Variants in SRGAP1 observed in about 807,000 individuals in gnomAD.
SRGAP1 encodes SLIT-ROBO Rho GTPase activating protein 1, also known as SLIT-ROBO Rho GTPase-activating protein 1.
SRGAP1 carries 43 observed loss-of-function variants against 121.9 expected under a neutral mutation model. The ratio of observed to expected loss-of-function variants is 0.35; its 90% CI spans 0.28 to 0.46. The LOEUF is 0.46. Ranked by LOEUF, SRGAP1 falls within the 20% of genes least tolerant of loss-of-function variation. The pLI is 1.00. For synonymous variants in SRGAP1, 447 were observed against 485.4 expected (o/e 0.92, Z 1.04); for missense variants, 1,102 against 1,350.9 (o/e 0.82, Z 2.89).
intron 3 of SRGAP1, among the ~76,000 whole-genome samples, chr12:64,013,366 A>C (rs1456589268): frequency 2.0e-5 from 3 of 152,314 alleles, no homozygotes; most frequent in Middle Eastern, 3.4e-3. Context: ...GAATACAAGG[A>C]TGTGTGAATT....
At chr12:63,964,917 AT>A (rs2032745400) in intron 1 of SRGAP1, among the ~76,000 whole-genome samples, 1 of 152,158 alleles carries the variant, frequency 6.6e-6, no homozygotes, top group South Asian at 2.1e-4. Context: ...ATCTCGCCTA[AT>A]TGTTTTCAGA....
rs2037146349 is a variant in SRGAP1 at position 64,154,176 on chromosome 12, AG to A, written c.*11507del. ...ATGGAAATTGTTGTTCAGTGTTTAC[AG>A]GGTTTCAGTTTTGCAAGATAAAAAG... On this transcript the variant is annotated 3_prime_UTR_variant, in exon 22 of 22. Transcript: ENST00000355086. 6.6e-6 allele frequency: 1 copy of A among 152,244 alleles called. No individual in the cohort carries two copies. The highest frequency in any genetic ancestry group is 1.5e-5 in the Non-Finnish European group (1 of 68,042). 9.4% of individuals were successfully genotyped at this position (152,244 alleles called of 1,614,324 possible).
intron 21 of SRGAP1, among the ~76,000 whole-genome samples, chr12:64,134,475 T>G (rs1375126915): frequency 4.6e-5 from 7 of 151,380 alleles, no homozygotes; most frequent in Admixed American, 3.9e-4. Flanking sequence ...TTGCAAGGCA[T>G]TGGTCAAGGA....
At chr12:64,000,239 GGTGTGTGTGTGTGTGTGTGT>G (rs58289093) in intron 3 of SRGAP1, among the ~76,000 whole-genome samples, 2 of 131,526 alleles carry the variant, frequency 1.5e-5, no homozygotes, top group East Asian at 4.3e-4. Context: ...GAAAGGTAGG[GGTGTGTGTGTGTGTGTGTGT>G]GTGTGTGTGT....
intron 1 of SRGAP1, among the ~76,000 whole-genome samples, chr12:63,950,160 T>C (rs915924866): frequency 3.3e-5 from 5 of 152,200 alleles, no homozygotes; most frequent in Non-Finnish European, 7.3e-5. Flanking sequence ...GAAAGACATA[T>C]CTTCTCAAAG....
chr12:64,141,741 C>T (rs145395081), intron 21 of SRGAP1, among the ~76,000 whole-genome samples: 4,575 of 152,130 alleles, frequency 0.03, 71 homozygotes, highest in South Asian at 0.099. Context: ...TACTTGAGCC[C>T]AGGAGTTCAA....
chr12:64,035,067 G>GA (rs1437356707), intron 4 of SRGAP1, among the ~76,000 whole-genome samples: 4 of 150,636 alleles, frequency 2.7e-5, no homozygotes, highest in African/African-American at 4.9e-5. Context: ...AAAAAGAAAA[G>GA]AAAAAAAACT....
At chr12:64,035,740 C>G (rs1454423999) in intron 4 of SRGAP1, among the ~76,000 whole-genome samples, 1 of 152,142 alleles carries the variant, frequency 6.6e-6, no homozygotes, top group African/African-American at 2.4e-5. Context: ...TAGCCCAGTT[C>G]TCAACATGAA....
intron 9 of SRGAP1, 115 bp downstream of exon 9, chr12:64,079,231 G>T: frequency 4.5e-6 from 5 of 1,101,252 alleles, no homozygotes; most frequent in Non-Finnish European, 6.5e-6. Context: ...ATAGACTCCT[G>T]TCTACCATCA....
At chr12:64,012,470 A>G (rs1479651556) in intron 3 of SRGAP1, among the ~76,000 whole-genome samples, 1 of 148,642 alleles carries the variant, frequency 6.7e-6, no homozygotes, top group African/African-American at 2.5e-5. Flanking sequence ...CTTAATACTT[A>G]TATTATTTTT....
chr12:64,019,202 G>T (rs941798815), intron 4 of SRGAP1, among the ~76,000 whole-genome samples: 1 of 152,126 alleles, frequency 6.6e-6, no homozygotes, highest in African/African-American at 2.4e-5. Flanking sequence ...CTCAGTGAGA[G>T]ATATATATAA....
intron 18 of SRGAP1, among the ~76,000 whole-genome samples, chr12:64,121,613 GTTTC>G (rs1268984653): frequency 6.6e-6 from 1 of 151,974 alleles, no homozygotes; most frequent in African/African-American, 2.4e-5. Context: ...TTTCTTTTGG[GTTTC>G]TTTGTTTCTC....
In SRGAP1 at chr12:64,160,901, T is replaced by A. The variant is rs2037204633; in HGVS notation, c.*18229T>A. 1 of 152,240 alleles carries A rather than the reference T, an allele frequency of 6.6e-6. No homozygotes were observed. Among genetic ancestry groups the A allele is most frequent in the African/African-American group, 2.4e-5 (1 of 41,472 alleles). 9.4% of individuals were successfully genotyped at this position (152,240 alleles called of 1,614,324 possible). A position where few individuals can be genotyped will look rare whatever the true frequency, so the allele number is the denominator to read the frequency against. On this transcript the variant is annotated 3_prime_UTR_variant, in exon 22 of 22. Transcript: ENST00000355086. ...CCCTCAGGATTTTGGAGATGTTGCATCAGTGTTGCTACCGAACATTCCAAA... is the reference window on the plus strand; with the variant it reads ...CCCTCAGGATTTTGGAGATGTTGCAACAGTGTTGCTACCGAACATTCCAAA...
At chr12:63,892,014 A>G (rs1459333172) in intron 1 of SRGAP1, among the ~76,000 whole-genome samples, 5 of 151,926 alleles carry the variant, frequency 3.3e-5, no homozygotes, top group Non-Finnish European at 5.9e-5. Flanking sequence ...AAAAGAAAAA[A>G]GAAAAGAGAT....
chr12:63,944,137 G>A (rs904786561), intron 1 of SRGAP1, among the ~76,000 whole-genome samples: 4 of 152,202 alleles, frequency 2.6e-5, no homozygotes, highest in Admixed American at 6.5e-5. Context: ...AACTCTTTTC[G>A]GGAAGGTGCT....
chr12:63,954,283 C>T (rs1392155061), intron 1 of SRGAP1, among the ~76,000 whole-genome samples: 1 of 152,168 alleles, frequency 6.6e-6, no homozygotes, highest in Non-Finnish European at 1.5e-5. Flanking sequence ...ATTTTGTTTA[C>T]ATATTTCCTT....
Position 63,957,444 on chromosome 12 carries a change from A to G in SRGAP1, c.68-26503A>G, listed in dbSNP as rs188697695. 5.5e-3 allele frequency among the ~76,000 whole-genome samples: 834 copies of G among 152,284 alleles called. 3 individuals are homozygous for G. Among genetic ancestry groups the G allele is most frequent in the Non-Finnish European group, 8.6e-3 (587 of 68,020 alleles). On this transcript the variant is annotated intron_variant, in intron 1 of 21. Coordinates refer to ENST00000355086, the MANE Select transcript of SRGAP1 (RefSeq NM_020762.4). ...AACCCATAACTATGATGGGACATCCACAAGTATCTGGCCCTGGAGAAAAGA... is the reference window on the plus strand; with the variant it reads ...AACCCATAACTATGATGGGACATCCGCAAGTATCTGGCCCTGGAGAAAAGA...
chr12:63,953,157 G>T (rs1454369373), intron 1 of SRGAP1, among the ~76,000 whole-genome samples: 1 of 152,146 alleles, frequency 6.6e-6, no homozygotes, highest in Non-Finnish European at 1.5e-5. Context: ...ATACCAGATT[G>T]TCCAGTGGCT....
At chr12:63,953,077 A>G (rs191299453) in intron 1 of SRGAP1, among the ~76,000 whole-genome samples, 80 of 152,356 alleles carry the variant, frequency 5.3e-4, no homozygotes, top group African/African-American at 1.5e-3. Context: ...CTGAAGTCAC[A>G]CAAATAGTAA....
Sources: gnomAD v4.1 joint callset for allele counts (sites outside exome capture counted in the v4.1 genomes callset) on GRCh38, gnomAD v4.1.1 for gene constraint, MANE v1.5 for transcripts, NCBI Gene and HGNC (gene_info 2026-07-23, HGNC 2026-07-21) for gene names.